The following TENM2 variants were observed in gnomAD, a reference collection of about 807,000 sequenced individuals.
TENM2 encodes teneurin transmembrane protein 2, also known as teneurin-2.
Under a neutral mutation model 245.2 loss-of-function variants are expected in TENM2, and 52 were observed. The ratio of observed to expected loss-of-function variants is 0.21; its 90% CI spans 0.17 to 0.27. TENM2 has a LOEUF of 0.27. Among genes scored for constraint, TENM2 ranks in the 10% least tolerant of loss-of-function variants. The pLI, the probability that TENM2 is intolerant of heterozygous loss-of-function variation, is 1.00. For missense variants in TENM2, 3,046 were observed against 3,666.8 expected (o/e 0.83, Z 4.37); for synonymous variants, 1,363 against 1,438.9 (o/e 0.95, Z 1.19).
chr5:168,012,535 C>A (rs1162951072), intron 5 of TENM2, among the ~76,000 whole-genome samples: 1 of 151,506 alleles, frequency 6.6e-6, no homozygotes, highest in South Asian at 2.1e-4. Flanking sequence ...GTAATCCCAG[C>A]TACTTCAGAG....
chr5:168,076,504 G>T (rs1036865696), intron 7 of TENM2, among the ~76,000 whole-genome samples: 1 of 151,998 alleles, frequency 6.6e-6, no homozygotes, highest in Non-Finnish European at 1.5e-5. Flanking sequence ...GATTACCGGC[G>T]TGAGCCACTA....
At chr5:167,666,953 C>A (rs1165250184) in intron 2 of TENM2, among the ~76,000 whole-genome samples, 1 of 152,254 alleles carries the variant, frequency 6.6e-6, no homozygotes, top group African/African-American at 2.4e-5. Flanking sequence ...TGGGATATGG[C>A]ACTTCTCAGC....
At chr5:167,762,479 C>G (rs1003572835) in intron 2 of TENM2, among the ~76,000 whole-genome samples, 5 of 152,182 alleles carry the variant, frequency 3.3e-5, no homozygotes, top group African/African-American at 1.2e-4. Flanking sequence ...TCGTCTATTT[C>G]TCTTGCCCAT....
chr5:167,944,588 G>C (rs142358017), intron 3 of TENM2, among the ~76,000 whole-genome samples: 52 of 152,306 alleles, frequency 3.4e-4, no homozygotes, highest in African/African-American at 1.2e-3. Context: ...AATAAACAGA[G>C]GGAATTGCCA....
intron 2 of TENM2, among the ~76,000 whole-genome samples, chr5:167,470,454 C>CTTTTTTTGTTTTTTTTTT (rs1766941747): frequency 4.2e-5 from 2 of 47,394 alleles, no homozygotes; most frequent in Non-Finnish European, 7.3e-5. Context: ...GCAATGCTTG[C>CTTTTTTTGTTTTTTTTTT]TTTTTTTTTT....
chr5:167,992,126 G>A (rs1318528628), intron 4 of TENM2, among the ~76,000 whole-genome samples: 1 of 152,136 alleles, frequency 6.6e-6, no homozygotes, highest in Non-Finnish European at 1.5e-5. Flanking sequence ...GGAAGGAACG[G>A]TGGAGGGGGC....
At chr5:167,229,689 G>C in the TENM2 span, among the ~76,000 whole-genome samples, 1 of 152,164 alleles carries the variant, frequency 6.6e-6, no homozygotes, top group Admixed American at 6.5e-5. Context: ...TTCCTGGATG[G>C]GTGCTCAGGG....
chr5:167,858,636 G>A (rs1217254051), intron 2 of TENM2, among the ~76,000 whole-genome samples: 2 of 151,764 alleles, frequency 1.3e-5, no homozygotes, highest in East Asian at 1.9e-4. Context: ...GCTGCGCTGC[G>A]GCCCGGGGCA....
the TENM2 span, among the ~76,000 whole-genome samples, chr5:167,166,721 T>C: frequency 1.3e-5 from 2 of 152,148 alleles, no homozygotes; most frequent in Non-Finnish European, 2.9e-5. Flanking sequence ...ATATCTGGCA[T>C]CCATTATTTT....
chr5:167,288,008 C>T (rs892508787), intron 1 of TENM2, among the ~76,000 whole-genome samples: 5 of 152,246 alleles, frequency 3.3e-5, no homozygotes, highest in African/African-American at 1.2e-4. Flanking sequence ...ATAGATGCCA[C>T]TTTGAATAAT....
At chr5:168,155,851 A>G (rs1360421784) in intron 12 of TENM2, among the ~76,000 whole-genome samples, 1 of 148,252 alleles carries the variant, frequency 6.7e-6, no homozygotes, top group African/African-American at 2.5e-5. Context: ...CTCTGTTGAA[A>G]TATTTAGCTT....
At chr5:167,235,492 T>A in the TENM2 span, among the ~76,000 whole-genome samples, 13 of 151,932 alleles carry the variant, frequency 8.6e-5, no homozygotes, top group South Asian at 2.1e-4. Context: ...AAAAAAAAAA[T>A]TTTTACTCAC....
At chr5:167,421,083 A>G (rs1249317471) in intron 2 of TENM2, among the ~76,000 whole-genome samples, 3 of 152,182 alleles carry the variant, frequency 2.0e-5, no homozygotes, top group African/African-American at 7.2e-5. Flanking sequence ...AAAATTGTAA[A>G]GGTGTTTTGA....
chr5:167,177,710 G>C, the TENM2 span, among the ~76,000 whole-genome samples: 1 of 152,178 alleles, frequency 6.6e-6, no homozygotes, highest in Non-Finnish European at 1.5e-5. Context: ...AGGGAAAGCA[G>C]TTGACATGTG....
chr5:167,079,405 C>A, the TENM2 span, among the ~76,000 whole-genome samples: 1 of 150,684 alleles, frequency 6.6e-6, no homozygotes, highest in African/African-American at 2.4e-5. Flanking sequence ...CCTCCGCCTC[C>A]CAGGTTCAAG....
chr5:167,439,989 T>C (rs1764789099), intron 2 of TENM2, among the ~76,000 whole-genome samples: 2 of 152,188 alleles, frequency 1.3e-5, no homozygotes, highest in African/African-American at 4.8e-5. Context: ...CCATCTCTTG[T>C]AGCTGGAAAA....
At chr5:167,227,198 T>C in the TENM2 span, among the ~76,000 whole-genome samples, 1 of 152,078 alleles carries the variant, frequency 6.6e-6, no homozygotes, top group Non-Finnish European at 1.5e-5. Context: ...ATAAGTGTGG[T>C]TTTTTTCCTG....
chr5:167,535,471 T>C (rs977190397), intron 2 of TENM2, among the ~76,000 whole-genome samples: 3 of 152,118 alleles, frequency 2.0e-5, no homozygotes, highest in Non-Finnish European at 4.4e-5. Flanking sequence ...CACTGAAGAC[T>C]AAGATTAAGC....
intron 5 of TENM2, among the ~76,000 whole-genome samples, chr5:168,038,885 A>G (rs1787935911): frequency 6.6e-6 from 1 of 151,844 alleles, no homozygotes; most frequent in South Asian, 2.1e-4. Flanking sequence ...ATGTTCCCCC[A>G]GTTTCAGGAT....
Sources: allele counts gnomAD v4.1 joint callset (sites outside exome capture counted in the v4.1 genomes callset), GRCh38; gene constraint gnomAD v4.1.1; transcripts MANE v1.5; gene names NCBI Gene and HGNC (gene_info 2026-07-23, HGNC 2026-07-21).